MCTP1: variants seen among roughly 807,000 people sequenced by gnomAD.
MCTP1 encodes multiple C2 and transmembrane domain containing 1.
Under a neutral mutation model 120.6 loss-of-function variants are expected in MCTP1, and 69 were observed. The observed-to-expected ratio is 0.57, with a 90% confidence interval of 0.47 to 0.70. MCTP1 has a LOEUF of 0.70. MCTP1 is among the 30% of genes least tolerant of loss of function. The probability of loss-of-function intolerance (pLI) is 0.00; values close to 1 mark genes in which losing one functional copy is unlikely to be tolerated. For missense variants in MCTP1, 1,203 were observed against 1,248.8 expected, an observed-to-expected ratio of 0.96 and a Z score of 0.55; for synonymous variants, 529 against 493.1, an observed-to-expected ratio of 1.07 and a Z score of -0.96.
intron 1 of MCTP1, among the ~76,000 whole-genome samples, chr5:95,196,736 G>A (rs961341421): frequency 4.6e-5 from 7 of 152,198 alleles, no homozygotes; most frequent in Admixed American, 4.6e-4. Flanking sequence ...TGCAGGGGGA[G>A]AGTGTCCATC....
chr5:95,051,431 T>C (rs1341887384), intron 1 of MCTP1, among the ~76,000 whole-genome samples: 1 of 152,164 alleles, frequency 6.6e-6, no homozygotes, highest in Admixed American at 6.5e-5. Context: ...CACCCAGATC[T>C]GTGACAGTGA....
At chr5:94,829,087 C>T (rs1787912415) in intron 17 of MCTP1, among the ~76,000 whole-genome samples, 2 of 152,192 alleles carry the variant, frequency 1.3e-5, no homozygotes, top group South Asian at 2.1e-4. Context: ...AAACCCAGGG[C>T]CCTGGCGGTG....
At chr5:94,846,317 A>G (rs888380556) in intron 17 of MCTP1, among the ~76,000 whole-genome samples, 6 of 152,182 alleles carry the variant, frequency 3.9e-5, no homozygotes, top group African/African-American at 1.4e-4. Flanking sequence ...AATACTACGC[A>G]TCCATACAAA....
intron 17 of MCTP1, among the ~76,000 whole-genome samples, chr5:94,813,722 C>A (rs1210741414): frequency 6.6e-6 from 1 of 151,920 alleles, no homozygotes; most frequent in African/African-American, 2.4e-5. Flanking sequence ...CTTGTCTCTA[C>A]AACAAAATTT....
At chr5:95,215,347 A>G (rs1752919203) in intron 1 of MCTP1, among the ~76,000 whole-genome samples, 1 of 152,242 alleles carries the variant, frequency 6.6e-6, no homozygotes, top group Non-Finnish European at 1.5e-5. Context: ...AGAGGTAGCA[A>G]TAAAGATGGA....
intron 8 of MCTP1, among the ~76,000 whole-genome samples, chr5:94,915,187 C>G (rs568598399): frequency 4.5e-4 from 68 of 152,154 alleles, no homozygotes; most frequent in Non-Finnish European, 8.8e-4. Flanking sequence ...CCACGAAAAC[C>G]CCATGAGGTC....
At chr5:95,229,459 G>A (rs1754662416) in intron 1 of MCTP1, among the ~76,000 whole-genome samples, 1 of 152,058 alleles carries the variant, frequency 6.6e-6, no homozygotes, top group African/African-American at 2.4e-5. Context: ...GTCTTATTCT[G>A]CCTTATTGAT....
chr5:94,859,343 A>G (rs936618617), intron 17 of MCTP1, among the ~76,000 whole-genome samples: 2 of 151,668 alleles, frequency 1.3e-5, no homozygotes, highest in Non-Finnish European at 3.0e-5. Context: ...AACACATACA[A>G]AAGTATAGCT....
intron 19 of MCTP1, among the ~76,000 whole-genome samples, chr5:94,756,446 G>C (rs1434265598): frequency 6.6e-6 from 1 of 152,216 alleles, no homozygotes; most frequent in Non-Finnish European, 1.5e-5. Flanking sequence ...ACAGGAGACG[G>C]TGGAGCTCTA....
intron 19 of MCTP1, among the ~76,000 whole-genome samples, chr5:94,723,996 G>T (rs1351023018): frequency 6.6e-6 from 1 of 152,086 alleles, no homozygotes; most frequent in African/African-American, 2.4e-5. Context: ...AAGATGAGAA[G>T]ACTGAGAAGT....
intron 19 of MCTP1, among the ~76,000 whole-genome samples, chr5:94,752,108 AATAT>A (rs146434254): frequency 0.034 from 2,571 of 75,660 alleles, 132 homozygotes; most frequent in African/African-American, 0.059. Context: ...TAAATAATAA[AATAT>A]ATATATATAT....
At chr5:95,280,158 C>T (rs1043308750) in intron 1 of MCTP1, among the ~76,000 whole-genome samples, 14 of 152,164 alleles carry the variant, frequency 9.2e-5, no homozygotes. Flanking sequence ...GCAAGATACA[C>T]TTCATGTATA....
At chr5:95,157,451 A>G (rs1247682798) in intron 1 of MCTP1, among the ~76,000 whole-genome samples, 1 of 152,192 alleles carries the variant, frequency 6.6e-6, no homozygotes, top group East Asian at 1.9e-4. Flanking sequence ...TAGTTTTCTA[A>G]TTTATATTAT....
chr5:94,924,842 C>T (rs910418952), intron 6 of MCTP1, among the ~76,000 whole-genome samples: 3 of 152,190 alleles, frequency 2.0e-5, no homozygotes, highest in African/African-American at 7.2e-5. Flanking sequence ...AGAGGAAGCA[C>T]TTTTGCAACT....
At chr5:95,110,787 C>T (rs1023021472) in intron 1 of MCTP1, among the ~76,000 whole-genome samples, 1 of 152,108 alleles carries the variant, frequency 6.6e-6, no homozygotes, top group Non-Finnish European at 1.5e-5. Context: ...GAAGTTCTTA[C>T]GGCCAATCTA....
intron 1 of MCTP1, among the ~76,000 whole-genome samples, chr5:95,183,315 G>A (rs185077290): frequency 6.6e-6 from 1 of 151,636 alleles, no homozygotes; most frequent in East Asian, 1.9e-4. Flanking sequence ...CTAAGCATAA[G>A]CCTTAAAACT....
At chr5:95,192,839 C>G (rs1292154134) in intron 1 of MCTP1, among the ~76,000 whole-genome samples, 2 of 152,060 alleles carry the variant, frequency 1.3e-5, no homozygotes, top group Non-Finnish European at 2.9e-5. Flanking sequence ...GTTCCAGTGA[C>G]ATTTCCTTCC....
intron 1 of MCTP1, among the ~76,000 whole-genome samples, chr5:95,023,239 C>G (rs1377289288): frequency 6.6e-6 from 1 of 152,178 alleles, no homozygotes; most frequent in Non-Finnish European, 1.5e-5. Context: ...GGGCCAAATG[C>G]TTAGATTTCA....
At chr5:95,071,299 C>T (rs1752110087) in intron 1 of MCTP1, among the ~76,000 whole-genome samples, 3 of 152,150 alleles carry the variant, frequency 2.0e-5, no homozygotes, top group African/African-American at 7.2e-5. Context: ...GATTAGGAGA[C>T]AGGCTGGATC....
Sources: allele counts gnomAD v4.1 joint callset (sites outside exome capture counted in the v4.1 genomes callset), GRCh38; gene constraint gnomAD v4.1.1; transcripts MANE v1.5; gene names NCBI Gene and HGNC (gene_info 2026-07-23, HGNC 2026-07-21).